The following AKAP19 variants were observed in gnomAD, a reference collection of about 807,000 sequenced individuals.
AKAP19 encodes the protein small A-kinase anchoring protein.
chr2:189,961,946 A>G, the AKAP19 span, among the ~76,000 whole-genome samples: 2 of 151,998 alleles, frequency 1.3e-5, no homozygotes, highest in Non-Finnish European at 2.9e-5. Context: ...CACCGAGGGT[A>G]TATTTAAAAC....
At chr2:189,961,393 T>A in the AKAP19 span, among the ~76,000 whole-genome samples, 2 of 152,138 alleles carry the variant, frequency 1.3e-5, no homozygotes, top group Non-Finnish European at 2.9e-5. Context: ...CTTATACTAG[T>A]TTATTGGTCT....
the AKAP19 span, among the ~76,000 whole-genome samples, chr2:190,193,372 T>C: frequency 2.6e-5 from 4 of 152,148 alleles, no homozygotes; most frequent in African/African-American, 9.7e-5. Context: ...ATGAGGGATA[T>C]TGGCCTGTGG....
At chr2:190,026,492 C>A in the AKAP19 span, among the ~76,000 whole-genome samples, 2 of 152,252 alleles carry the variant, frequency 1.3e-5, no homozygotes, top group East Asian at 3.9e-4. Context: ...GTGGGAGAAG[C>A]ATATAGGAAA....
chr2:190,106,314 T>C, the AKAP19 span, among the ~76,000 whole-genome samples: 1 of 152,218 alleles, frequency 6.6e-6, no homozygotes, highest in Admixed American at 6.5e-5. Context: ...AGCTTATATA[T>C]TCAAAATACA....
At chr2:190,202,795 GAA>G in the AKAP19 span, 2 of 167,008 alleles carry the variant, frequency 1.2e-5, no homozygotes, top group African/African-American at 4.8e-5. Context: ...GGTTATCAGA[GAA>G]AATAAATGTG....
chr2:190,196,286 T>C, the AKAP19 span, among the ~76,000 whole-genome samples: 3 of 152,138 alleles, frequency 2.0e-5, no homozygotes, highest in Non-Finnish European at 1.5e-5. Flanking sequence ...TGGACACATC[T>C]ATAGATTTAT....
At chr2:189,890,367 A>G in the AKAP19 span, among the ~76,000 whole-genome samples, 3 of 152,290 alleles carry the variant, frequency 2.0e-5, no homozygotes, top group Admixed American at 6.5e-5. Context: ...AATAAGTGCA[A>G]TGTGGTGCTG....
the AKAP19 span, among the ~76,000 whole-genome samples, chr2:190,137,313 T>G: frequency 6.6e-6 from 1 of 152,202 alleles, no homozygotes; most frequent in Non-Finnish European, 1.5e-5. Context: ...ATTCTCAAAT[T>G]CTGTCTACCT....
chr2:190,187,327 C>A, the AKAP19 span, among the ~76,000 whole-genome samples: 1 of 151,878 alleles, frequency 6.6e-6, no homozygotes, highest in African/African-American at 2.4e-5. Flanking sequence ...GTAAAATAAA[C>A]CATCCCTGTT....
chr2:190,091,380 T>A, the AKAP19 span, among the ~76,000 whole-genome samples: 1 of 152,218 alleles, frequency 6.6e-6, no homozygotes, highest in African/African-American at 2.4e-5. Flanking sequence ...CTCACAGGAA[T>A]TCTAACACTA....
chr2:190,199,780 A>C, the AKAP19 span: 1 of 1,558,120 alleles, frequency 6.4e-7, no homozygotes, highest in Non-Finnish European at 8.7e-7. Flanking sequence ...TCAACATCAC[A>C]TGGACAAATT....
At chr2:189,881,947 C>A in the AKAP19 span, among the ~76,000 whole-genome samples, 2 of 152,098 alleles carry the variant, frequency 1.3e-5, no homozygotes, top group African/African-American at 4.8e-5. Flanking sequence ...TACAGTGCAG[C>A]AAGAATAATT....
At chr2:190,016,461 T>C in the AKAP19 span, among the ~76,000 whole-genome samples, 1 of 152,110 alleles carries the variant, frequency 6.6e-6, no homozygotes, top group African/African-American at 2.4e-5. Context: ...TCCAATCACT[T>C]CCCACCAGGT....
the AKAP19 span, among the ~76,000 whole-genome samples, chr2:190,115,291 A>T: frequency 1.4e-4 from 1 of 7,218 alleles, no homozygotes; most frequent in Non-Finnish European, 2.5e-4. Flanking sequence ...ATATATATAT[A>T]TATATATATA....
chr2:190,116,997 C>A, the AKAP19 span, among the ~76,000 whole-genome samples: 2 of 152,180 alleles, frequency 1.3e-5, no homozygotes, highest in African/African-American at 4.8e-5. Flanking sequence ...GGGTTCACAT[C>A]CCAGCTCATG....
chr2:189,984,265 T>C, the AKAP19 span, among the ~76,000 whole-genome samples: 13 of 152,096 alleles, frequency 8.5e-5, no homozygotes, highest in African/African-American at 3.1e-4. Context: ...ATCTCGACCA[T>C]AAGACACAGG....
At chr2:190,060,260 A>C in the AKAP19 span, 2 of 1,613,138 alleles carry the variant, frequency 1.2e-6, no homozygotes, top group Non-Finnish European at 1.7e-6. Context: ...TATACCTTGT[A>C]CCGTCTTTCA....
the AKAP19 span, among the ~76,000 whole-genome samples, chr2:189,887,638 C>A: frequency 6.6e-6 from 1 of 152,166 alleles, no homozygotes; most frequent in Admixed American, 6.5e-5. Flanking sequence ...TCTGTCATTT[C>A]TTTACTTTTT....
the AKAP19 span, among the ~76,000 whole-genome samples, chr2:190,102,744 G>T: frequency 6.6e-6 from 1 of 151,956 alleles, no homozygotes; most frequent in African/African-American, 2.4e-5. Context: ...ACAGATTCAC[G>T]GACAAATACT....
Sources: gnomAD v4.1 joint callset for allele counts (sites outside exome capture counted in the v4.1 genomes callset) on GRCh38, gnomAD v4.1.1 for gene constraint, MANE v1.5 for transcripts, NCBI Gene and HGNC (gene_info 2026-07-23, HGNC 2026-07-21) for gene names.